The following LAMA4 variants were observed in gnomAD, a reference collection of about 807,000 sequenced individuals.
The protein encoded by LAMA4 is laminin subunit alpha 4, also known as laminin subunit alpha-4.
LAMA4 carries 127 observed loss-of-function variants against 207.1 expected under a neutral mutation model. That is an observed-to-expected ratio of 0.61 (90% CI 0.53 to 0.71). The LOEUF is 0.71. Ranked by LOEUF, LAMA4 falls within the 30% of genes least tolerant of loss-of-function variation. LAMA4 has a pLI of 0.00. For synonymous variants in LAMA4, 761 were observed against 816.0 expected (o/e 0.93, Z 1.15); for missense variants, 2,093 against 2,246.5 (o/e 0.93, Z 1.38).
chr6:112,141,549 A>C (rs781956010), intron 20 of LAMA4, 46 bp from the exon 21 acceptor site: 10 of 1,377,024 alleles, frequency 7.3e-6, no homozygotes, highest in Admixed American at 1.7e-5. Context: ...AATTCATAAG[A>C]ATGAACATCA....
chr6:112,185,252 C>T lies in LAMA4; in HGVS notation c.1062G>A (p.Glu354=), dbSNP rs782146846. The change falls in exon 9 of 39, where the codon GAG becomes GAA. Residue 354 remains glutamate, a synonymous_variant. Transcript: ENST00000230538. ...NTMKSLLSDV[E]ELVEKENQAS... The stretch of plus-strand genomic sequence containing the variant: ...ACATACGTACCTTTTCAACTAATTC[C>T]TCTACGTCAGACAGAAGGCTTTTCA... 1 of 1,603,958 alleles carries T rather than the reference C, an allele frequency of 6.2e-7. No homozygotes were observed. Among genetic ancestry groups the T allele is most frequent in the Admixed American group, 1.7e-5 (1 of 60,014 alleles).
intron 2 of LAMA4, among the ~76,000 whole-genome samples, chr6:112,228,220 G>A (rs1258794599): frequency 6.6e-6 from 1 of 152,182 alleles, no homozygotes; most frequent in African/African-American, 2.4e-5. Flanking sequence ...AGTTGAAATG[G>A]GGGAACCAGG....
intron 2 of LAMA4, among the ~76,000 whole-genome samples, chr6:112,240,268 ATTG>A (rs1323140282): frequency 1.3e-5 from 2 of 151,728 alleles, no homozygotes; most frequent in African/African-American, 4.8e-5. Context: ...TTTTTTTAAA[ATTG>A]TTGTGGGTAA....
chr6:112,204,857 G>C (rs1243914009), intron 4 of LAMA4, among the ~76,000 whole-genome samples: 5 of 152,176 alleles, frequency 3.3e-5, no homozygotes, highest in African/African-American at 1.2e-4. Context: ...AGCAAGGTCT[G>C]AGGCAGTTTA....
chr6:112,141,793 T>A (rs1480663399), intron 20 of LAMA4, among the ~76,000 whole-genome samples: 1 of 152,184 alleles, frequency 6.6e-6, no homozygotes, highest in African/African-American at 2.4e-5. Flanking sequence ...AGCCTGACAG[T>A]ACCGATCACT....
intron 36 of LAMA4, 115 bp downstream of exon 36, chr6:112,115,748 T>C: frequency 8.9e-7 from 1 of 1,124,310 alleles, no homozygotes; most frequent in Non-Finnish European, 1.3e-6. Flanking sequence ...ATAGCTTTCC[T>C]ATATTTCTTT....
At chr6:112,177,427 C>T (rs1209691054) in intron 10 of LAMA4, among the ~76,000 whole-genome samples, 4 of 152,170 alleles carry the variant, frequency 2.6e-5, no homozygotes, top group African/African-American at 7.2e-5. Flanking sequence ...TCTTAGCAAA[C>T]TCTCACCCAA....
In LAMA4 at chr6:112,215,093, A is replaced by AT. The variant is rs572962531; in HGVS notation, c.297+1274dup. On this transcript the variant is annotated intron_variant, in intron 3 of 38. Coordinates refer to ENST00000230538, the MANE Select transcript of LAMA4 (RefSeq NM_001105206.3). ...TTATTAGTTCAAGTGTATCCATGGG[A>AT]TTTTTCCCCCCAAATGTCACTGGGA... 3.2e-3 allele frequency among the ~76,000 whole-genome samples: 480 copies of AT among 152,228 alleles called. 2 individuals carry two copies. The highest frequency in any genetic ancestry group is 0.011 in the African/African-American group (460 of 41,550).
intron 2 of LAMA4, among the ~76,000 whole-genome samples, chr6:112,245,502 G>T (rs1369690706): frequency 6.6e-6 from 1 of 152,168 alleles, no homozygotes; most frequent in African/African-American, 2.4e-5. Flanking sequence ...TGTGAGGGAA[G>T]TTTTAGTGAA....
chr6:112,242,095 C>G (rs1353975571), intron 2 of LAMA4, among the ~76,000 whole-genome samples: 2 of 152,192 alleles, frequency 1.3e-5, no homozygotes, highest in Non-Finnish European at 2.9e-5. Context: ...CTACTTCCTT[C>G]AAGGACACAG....
intron 2 of LAMA4, among the ~76,000 whole-genome samples, chr6:112,224,221 C>A (rs1583939393): frequency 6.6e-6 from 1 of 152,090 alleles, no homozygotes; most frequent in Non-Finnish European, 1.5e-5. Flanking sequence ...CCAAGAATAT[C>A]CTCCCTCCCC....
chr6:112,241,904 A>G (rs1277767162), intron 2 of LAMA4, among the ~76,000 whole-genome samples: 2 of 152,164 alleles, frequency 1.3e-5, no homozygotes, highest in Non-Finnish European at 2.9e-5. Flanking sequence ...CCTGTCTCCT[A>G]ACATTATCTT....
intron 2 of LAMA4, chr6:112,218,535 C>G (rs557360036): frequency 6.6e-6 from 1 of 152,282 alleles, no homozygotes; most frequent in African/African-American, 2.4e-5. Context: ...ACAGAATATA[C>G]TGATAATCCA....
chr6:112,185,507 G>T (rs1554346420), intron 8 of LAMA4, among the ~76,000 whole-genome samples, 160 bp from the exon 9 acceptor site: 1 of 152,094 alleles, frequency 6.6e-6, no homozygotes, highest in Non-Finnish European at 1.5e-5. Context: ...TGAAGGGTGG[G>T]GTCTGCAGAG....
At chr6:112,152,067 A>T (rs561735722) in intron 16 of LAMA4, among the ~76,000 whole-genome samples, 2 of 152,182 alleles carry the variant, frequency 1.3e-5, no homozygotes, top group East Asian at 3.9e-4. Flanking sequence ...ATTGATTAGA[A>T]TTTTTGCATC....
At chr6:112,194,464 C>A (rs1291767434) in intron 5 of LAMA4, among the ~76,000 whole-genome samples, 1 of 152,196 alleles carries the variant, frequency 6.6e-6, no homozygotes, top group Non-Finnish European at 1.5e-5. Flanking sequence ...GTCTTAAGAA[C>A]ATCTTCTGGT....
At chr6:112,213,867 GA>G (rs1554357659) in intron 3 of LAMA4, 1 of 470,522 alleles carries the variant, frequency 2.1e-6, no homozygotes, top group African/African-American at 2.0e-5. Flanking sequence ...TGAAATAAAA[GA>G]AAGCCTTTTA....
chr6:112,130,652 G>T (rs782313137), intron 29 of LAMA4, among the ~76,000 whole-genome samples: 1 of 152,050 alleles, frequency 6.6e-6, no homozygotes, highest in Non-Finnish European at 1.5e-5. Context: ...TATTTGCTGA[G>T]CTCCTTCTAT....
intron 2 of LAMA4, among the ~76,000 whole-genome samples, chr6:112,228,075 C>T (rs1013412823): frequency 2.0e-5 from 3 of 152,200 alleles, no homozygotes; most frequent in African/African-American, 7.2e-5. Context: ...GACCCAAACT[C>T]AGACAGTCTT....
Sources: gnomAD v4.1 joint callset for allele counts (sites outside exome capture counted in the v4.1 genomes callset) on GRCh38, gnomAD v4.1.1 for gene constraint, MANE v1.5 for transcripts, NCBI Gene and HGNC (gene_info 2026-07-23, HGNC 2026-07-21) for gene names.